The following SUGCT variants were observed in gnomAD, a reference collection of about 807,000 sequenced individuals.
The protein encoded by SUGCT is succinyl-CoA:glutarate CoA-transferase.
SUGCT carries 41 observed loss-of-function variants against 55.0 expected under a neutral mutation model. The observed-to-expected ratio is 0.74, with a 90% confidence interval of 0.58 to 0.97. The LOEUF (loss-of-function observed/expected upper bound fraction) is 0.97. SUGCT is among the 50% of genes least tolerant of loss of function. The pLI is 0.00. For synonymous variants in SUGCT, 187 were observed against 200.4 expected, an observed-to-expected ratio of 0.93 and a Z score of 0.56; for missense variants, 568 against 547.8, an observed-to-expected ratio of 1.04 and a Z score of -0.37.
the SUGCT span, among the ~76,000 whole-genome samples, chr7:40,981,646 A>T: frequency 6.6e-6 from 1 of 152,108 alleles, no homozygotes; most frequent in Non-Finnish European, 1.5e-5. Context: ...GAACCAAGAC[A>T]CTCCTTCAAT....
rs545180428 is a variant in SUGCT, at chr7:40,738,714, A to T, written c.1090-10720A>T. ...CATTTGATCACTTACTGCAGTTGTA[A>T]GTGATCAGATTAATGGAGAAAAATT... On this transcript the variant is annotated intron_variant, in intron 12 of 13. Coordinates refer to ENST00000335693, the MANE Select transcript of SUGCT (RefSeq NM_001193313.2). Among the ~76,000 whole-genome samples the T allele has an allele frequency of 2.0e-5, 3 of 152,346 alleles. No individual in the cohort carries two copies. In the South Asian group the frequency reaches 6.2e-4, roughly 32 times the overall value.
chr7:40,683,232 G>A (rs764696336), intron 12 of SUGCT, among the ~76,000 whole-genome samples: 3 of 152,132 alleles, frequency 2.0e-5, no homozygotes, highest in African/African-American at 4.8e-5. Flanking sequence ...TGATCAGGGC[G>A]ATTTTCCTGA....
At chr7:40,801,860 C>T (rs1790833682) in intron 13 of SUGCT, among the ~76,000 whole-genome samples, 1 of 151,796 alleles carries the variant, frequency 6.6e-6, no homozygotes, top group Non-Finnish European at 1.5e-5. Flanking sequence ...TAAAAATGCC[C>T]TCATAAGTGC....
intron 9 of SUGCT, among the ~76,000 whole-genome samples, chr7:40,356,498 T>TAAACTTCTATTTCTGAGA (rs1478233236): frequency 6.6e-6 from 1 of 152,166 alleles, no homozygotes; most frequent in Non-Finnish European, 1.5e-5. Context: ...GTCAGAATAT[T>TAAACTTCTATTTCTGAGA]AAACTTCTAT....
intron 12 of SUGCT, among the ~76,000 whole-genome samples, chr7:40,543,407 A>G (rs1462357686): frequency 6.6e-6 from 1 of 152,236 alleles, no homozygotes; most frequent in Non-Finnish European, 1.5e-5. Flanking sequence ...TTGATAAAAT[A>G]ATTTAAAAAA....
downstream of SUGCT, among the ~76,000 whole-genome samples, chr7:40,864,032 T>C (rs1262304648): frequency 6.6e-6 from 1 of 152,162 alleles, no homozygotes; most frequent in Non-Finnish European, 1.5e-5. Context: ...TGAAGTACAA[T>C]TGCGTTTCTT....
chr7:40,952,284 T>A, the SUGCT span, among the ~76,000 whole-genome samples: 6 of 152,140 alleles, frequency 3.9e-5, no homozygotes, highest in African/African-American at 1.4e-4. Context: ...ACCCCTGCCG[T>A]TTTTTATTTT....
chr7:40,570,850 C>CTTTTTTTTTTTTTTTTTTTTTTTTTTT lies in SUGCT; in HGVS notation c.1089+74465_1089+74491dup, dbSNP rs776733346. 5.7e-5 allele frequency among the ~76,000 whole-genome samples: 3 copies of CTTTTTTTTTTTTTTTTTTTTTTTTTTT among 52,262 alleles called. 1 individual carries two copies. Among genetic ancestry groups the CTTTTTTTTTTTTTTTTTTTTTTTTTTT allele is most frequent in the African/African-American group, 2.6e-4 (3 of 11,492 alleles). 34.3% of individuals were successfully genotyped at this position (52,262 alleles called of 152,430 possible). ...CCCCTCTGGGCAAAAGCTTTAGGCT[C>CTTTTTTTTTTTTTTTTTTTTTTTTTTT]TTTTTTTTTTTTTTTTTTTTTTTTT... is the stretch of plus-strand genomic sequence containing the variant. On this transcript the variant is annotated intron_variant, in intron 12 of 13. Transcript: ENST00000335693.
intron 13 of SUGCT, among the ~76,000 whole-genome samples, chr7:40,845,372 C>T (rs1341453693): frequency 6.6e-6 from 1 of 152,132 alleles, no homozygotes; most frequent in Non-Finnish European, 1.5e-5. Flanking sequence ...TCCATTTTGG[C>T]ACATATACCC....
chr7:40,221,027 T>C (rs372065638), intron 6 of SUGCT, among the ~76,000 whole-genome samples: 9 of 152,178 alleles, frequency 5.9e-5, no homozygotes, highest in African/African-American at 1.9e-4. Flanking sequence ...TATATGAATA[T>C]GGTTAGATCC....
chr7:40,862,506 G>A (rs1794508930), downstream of SUGCT, among the ~76,000 whole-genome samples: 1 of 152,158 alleles, frequency 6.6e-6, no homozygotes, highest in Non-Finnish European at 1.5e-5. Flanking sequence ...ATCAAGTTAT[G>A]CTTATAAACA....
chr7:40,149,041 G>T (rs537321471), intron 1 of SUGCT, among the ~76,000 whole-genome samples: 3 of 152,224 alleles, frequency 2.0e-5, no homozygotes, highest in East Asian at 3.9e-4. Flanking sequence ...AGAAGAGATG[G>T]TAGGGGTGGG....
the SUGCT span, among the ~76,000 whole-genome samples, chr7:40,926,725 C>A: frequency 6.6e-6 from 1 of 152,128 alleles, no homozygotes; most frequent in Non-Finnish European, 1.5e-5. Flanking sequence ...GGAAGGGAAC[C>A]CTGACCAGGA....
In SUGCT at chr7:40,143,017, C is replaced by T. The variant is rs529973939; in HGVS notation, c.100+7897C>T. On this transcript the variant is annotated intron_variant, in intron 1 of 13. Transcript: ENST00000335693. ...TTGGGGTTTAAATTGATCTGGTATT[C>T]CCTGTGGGACTCCAATTGCATTTAA... 3.3e-5 allele frequency among the ~76,000 whole-genome samples: 5 copies of T among 152,222 alleles called. No homozygotes were observed. The East Asian group carries it at 9.7e-4, about 29-fold the overall frequency.
At chr7:40,395,980 C>G (rs552042888) in intron 9 of SUGCT, among the ~76,000 whole-genome samples, 3 of 152,214 alleles carry the variant, frequency 2.0e-5, no homozygotes, top group Admixed American at 2.0e-4. Flanking sequence ...TCTATAAGGA[C>G]TTTTTTGAGA....
At chr7:40,650,844 T>C (rs931529212) in intron 12 of SUGCT, among the ~76,000 whole-genome samples, 1 of 152,174 alleles carries the variant, frequency 6.6e-6, no homozygotes, top group Non-Finnish European at 1.5e-5. Flanking sequence ...ATGCATTAGC[T>C]ATTTTTCCTA....
At chr7:40,525,739 T>C (rs751509677) in intron 12 of SUGCT, among the ~76,000 whole-genome samples, 1 of 152,124 alleles carries the variant, frequency 6.6e-6, no homozygotes, top group African/African-American at 2.4e-5. Context: ...CAAAAAGAAG[T>C]GCTTGATACT....
chr7:40,923,504 T>G, the SUGCT span, among the ~76,000 whole-genome samples: 1 of 152,186 alleles, frequency 6.6e-6, no homozygotes, highest in Non-Finnish European at 1.5e-5. Flanking sequence ...AACGTTGAAA[T>G]TGAAACATGT....
At chr7:40,524,540 T>C (rs913384667) in intron 12 of SUGCT, among the ~76,000 whole-genome samples, 1 of 152,172 alleles carries the variant, frequency 6.6e-6, no homozygotes, top group African/African-American at 2.4e-5. Context: ...CCTCCAATTC[T>C]TTCTGTTCTT....
Sources: gnomAD v4.1 joint callset for allele counts (sites outside exome capture counted in the v4.1 genomes callset) on GRCh38, gnomAD v4.1.1 for gene constraint, MANE v1.5 for transcripts, NCBI Gene and HGNC (gene_info 2026-07-23, HGNC 2026-07-21) for gene names.